The following SYCP2 variants were observed in gnomAD, a reference collection of about 807,000 sequenced individuals.
The protein encoded by SYCP2 is synaptonemal complex lateral element protein.
A neutral mutation model predicts 211.3 loss-of-function variants in SYCP2; 55 were observed. That is an observed-to-expected ratio of 0.26 (90% confidence interval 0.21 to 0.33). The LOEUF is 0.33. Ranked by LOEUF, SYCP2 falls within the 10% of genes least tolerant of loss-of-function variation. The probability of loss-of-function intolerance (pLI) is 1.00; values close to 1 mark genes in which losing one functional copy is unlikely to be tolerated. For synonymous variants in SYCP2, 570 were observed against 555.2 expected (o/e 1.03, Z -0.37); for missense variants, 1,731 against 1,752.0 (o/e 0.99, Z 0.21).
chr20:59,875,207 C>A, intron 34 of SYCP2, 64 bp downstream of exon 34: 2 of 1,031,922 alleles, frequency 1.9e-6, no homozygotes, highest in Non-Finnish European at 2.8e-6. Flanking sequence ...TTGTATTTTC[C>A]CATAATTAGA....
At chr20:59,883,839 T>C (rs1186538168) in intron 26 of SYCP2, among the ~76,000 whole-genome samples, 1 of 151,910 alleles carries the variant, frequency 6.6e-6, no homozygotes, top group African/African-American at 2.4e-5. Context: ...TACAGTATTG[T>C]ATTATATAAT....
chr20:59,873,465 G>T (rs1423686803), intron 35 of SYCP2, among the ~76,000 whole-genome samples: 1 of 152,136 alleles, frequency 6.6e-6, no homozygotes, highest in East Asian at 1.9e-4. Flanking sequence ...AGAGTGGATG[G>T]CTCAATATTT....
rs189899255 is a variant in SYCP2 at position 59,888,537 on chromosome 20, A to C, written c.2365-1703T>G. On this transcript the variant is annotated intron_variant, in intron 24 of 44. Transcript: ENST00000357552. Reference sequence around the variant, plus strand: ...AGCATCTACAAAAACAGTTACAGCTAACATCACACTTAATGGTGAGAAACG... The same window carrying C: ...AGCATCTACAAAAACAGTTACAGCTCACATCACACTTAATGGTGAGAAACG... 2.0e-5 allele frequency among the ~76,000 whole-genome samples: 3 copies of C among 152,204 alleles called. No homozygotes were observed. In the East Asian group the frequency reaches 5.8e-4, roughly 29 times the overall value.
chr20:59,888,411 A>C (rs2059837947), intron 24 of SYCP2, among the ~76,000 whole-genome samples: 2 of 152,088 alleles, frequency 1.3e-5, no homozygotes, highest in South Asian at 4.1e-4. Context: ...AATCAATATA[A>C]ATTGATACAC....
chr20:59,909,923 T>A (rs539727889), intron 14 of SYCP2, among the ~76,000 whole-genome samples: 1 of 152,328 alleles, frequency 6.6e-6, no homozygotes, highest in East Asian at 1.9e-4. Context: ...GCAACATTTG[T>A]GCTTAAATCT....
chr20:59,929,255 C>A (rs1336637147), intron 2 of SYCP2, among the ~76,000 whole-genome samples: 2 of 152,128 alleles, frequency 1.3e-5, no homozygotes, highest in East Asian at 1.9e-4. Flanking sequence ...ACTGATACTA[C>A]GAAGTCACAG....
At chr20:59,915,310 TC>T (rs2060416671) in intron 9 of SYCP2, 111 bp from the exon 10 acceptor site, 1 of 1,038,660 alleles carries the variant, frequency 9.6e-7, no homozygotes, top group Non-Finnish European at 1.5e-6. Context: ...GCTAATATCA[TC>T]GACTTTTGCA....
intron 25 of SYCP2, among the ~76,000 whole-genome samples, chr20:59,886,482 G>T (rs554786057): frequency 1.3e-5 from 2 of 151,846 alleles, no homozygotes; most frequent in Non-Finnish European, 2.9e-5. Context: ...TGTGTTTTTT[G>T]ATCCTATATA....
chr20:59,905,875 T>A (rs78152841), intron 15 of SYCP2, among the ~76,000 whole-genome samples: 2,953 of 152,182 alleles, frequency 0.019, 41 homozygotes, highest in Middle Eastern at 0.041. Context: ...TTCTATACAT[T>A]GCAATAAAGC....
intron 15 of SYCP2, 29 bp from the exon 16 acceptor site, chr20:59,901,839 C>T (rs535274053): frequency 1.3e-5 from 20 of 1,519,178 alleles, no homozygotes; most frequent in Middle Eastern, 1.8e-4. Flanking sequence ...GATTAGTTTA[C>T]GTTTCTATGA....
chr20:59,874,688 T>G (rs2059519830), intron 34 of SYCP2, among the ~76,000 whole-genome samples: 1 of 151,988 alleles, frequency 6.6e-6, no homozygotes, highest in African/African-American at 2.4e-5. Context: ...TAGAAATGCT[T>G]TAAAATGTCC....
At chr20:59,908,300 T>C (rs958299951) in intron 14 of SYCP2, among the ~76,000 whole-genome samples, 6 of 152,138 alleles carry the variant, frequency 3.9e-5, no homozygotes, top group Non-Finnish European at 8.8e-5. Flanking sequence ...TAAATACTTT[T>C]GTTATTTAAG....
At position 59,890,793 on chromosome 20, in the gene SYCP2, T is replaced by C. The variant is rs185649915; in HGVS notation, c.2364+1197A>G. Among the ~76,000 whole-genome samples, 228 of 152,030 alleles carry C rather than the reference T, an allele frequency of 1.5e-3. 1 individual carries two copies. The highest frequency in any genetic ancestry group is 5.3e-3 in the African/African-American group (222 of 41,498). ...AAATGACTAGCTCAGGGAAATTATG[T>C]GAAATTATTCTAAATACCAAAGAAA... On this transcript the variant is annotated intron_variant, in intron 24 of 44. Transcript: ENST00000357552.
intron 26 of SYCP2, among the ~76,000 whole-genome samples, chr20:59,883,001 T>C (rs574492027): frequency 1.3e-5 from 2 of 152,202 alleles, no homozygotes; most frequent in Non-Finnish European, 2.9e-5. Flanking sequence ...ACATTCTCCT[T>C]AAACTGAATA....
chr20:59,908,748 G>A (rs949345757), intron 14 of SYCP2, among the ~76,000 whole-genome samples: 1 of 151,944 alleles, frequency 6.6e-6, no homozygotes. Context: ...TAGCAATTTT[G>A]TTCCATTTTC....
intron 25 of SYCP2, among the ~76,000 whole-genome samples, chr20:59,886,416 TTCAG>T (rs2059789343): frequency 6.6e-6 from 1 of 152,042 alleles, no homozygotes; most frequent in Non-Finnish European, 1.5e-5. Flanking sequence ...CATTATTAGA[TTCAG>T]TAAGTACAAT....
chr20:59,927,548 G>C (rs1445471447), intron 2 of SYCP2, among the ~76,000 whole-genome samples: 2 of 151,994 alleles, frequency 1.3e-5, no homozygotes, highest in Non-Finnish European at 2.9e-5. Context: ...AATCCAAAGA[G>C]AATACCCAAA....
At chr20:59,888,398 A>G (rs931940917) in intron 24 of SYCP2, among the ~76,000 whole-genome samples, 1 of 152,110 alleles carries the variant, frequency 6.6e-6, no homozygotes, top group South Asian at 2.1e-4. Flanking sequence ...AAAATAATCA[A>G]TCAATCAATA....
chr20:59,892,786 C>T, intron 22 of SYCP2, 85 bp from the exon 23 acceptor site: 2 of 1,267,368 alleles, frequency 1.6e-6, no homozygotes. Flanking sequence ...TCAACGTTTA[C>T]TGAAAGCGAT....
Sources: allele counts gnomAD v4.1 joint callset (sites outside exome capture counted in the v4.1 genomes callset), GRCh38; gene constraint gnomAD v4.1.1; transcripts MANE v1.5; gene names NCBI Gene and HGNC (gene_info 2026-07-23, HGNC 2026-07-21).